The following CSMD1 variants were observed in gnomAD, a reference collection of about 807,000 sequenced individuals.
CSMD1 encodes the protein CUB and Sushi multiple domains 1.
CSMD1 carries 213 observed loss-of-function variants against 417.5 expected under a neutral mutation model. The observed-to-expected ratio is 0.51, with a 90% confidence interval of 0.46 to 0.57. CSMD1 has a LOEUF of 0.57. Among genes scored for constraint, CSMD1 ranks in the 20% least tolerant of loss-of-function variants. The pLI, the probability that CSMD1 is intolerant of heterozygous loss-of-function variation, is 0.00. For missense variants in CSMD1, 6,923 were observed against 4,529.7 expected (o/e 1.53, Z -15.17); for synonymous variants, 2,862 against 1,736.8 (o/e 1.65, Z -16.11).
chr8:4,884,571 G>A (rs772296842), intron 1 of CSMD1, among the ~76,000 whole-genome samples: 29 of 151,858 alleles, frequency 1.9e-4, no homozygotes, highest in Admixed American at 8.5e-4. Flanking sequence ...ATTGGGCTTC[G>A]ACTTCATCAC....
intron 1 of CSMD1, among the ~76,000 whole-genome samples, chr8:4,704,036 G>C (rs1807755625): frequency 6.6e-6 from 1 of 152,192 alleles, no homozygotes; most frequent in Admixed American, 6.5e-5. Context: ...GCGGATCTCA[G>C]GCAGTAATGC....
At chr8:4,282,354 C>A (rs908459366) in intron 3 of CSMD1, among the ~76,000 whole-genome samples, 2 of 152,166 alleles carry the variant, frequency 1.3e-5, no homozygotes, top group African/African-American at 4.8e-5. Context: ...CTTCTGGCCA[C>A]TGGACAAGAG....
At chr8:4,077,444 C>T (rs1255657635) in intron 3 of CSMD1, among the ~76,000 whole-genome samples, 1 of 151,348 alleles carries the variant, frequency 6.6e-6, no homozygotes, top group African/African-American at 2.4e-5. Flanking sequence ...ATTTGAGTAT[C>T]CTATACATAT....
At chr8:3,323,825 C>T (rs574591995) in intron 23 of CSMD1, among the ~76,000 whole-genome samples, 19 of 151,326 alleles carry the variant, frequency 1.3e-4, no homozygotes, top group Admixed American at 1.3e-4. Flanking sequence ...TCCTTCACCC[C>T]ACCATTCATC....
rs983433520 is a variant in CSMD1, at chr8:3,485,161, G to C, written c.1448+8462C>G. The stretch of plus-strand genomic sequence containing the variant: ...ATAGTCAAATACTAGAAGCAATCCA[G>C]GTGTCCATCTGTGGGTGAATATAAA... On this transcript the variant is annotated intron_variant, in intron 11 of 69. Transcript: ENST00000635120. Among the ~76,000 whole-genome samples, 10 of 152,094 alleles carry C rather than the reference G, an allele frequency of 6.6e-5. No individual in the cohort carries two copies. In the East Asian group the frequency reaches 1.5e-3, roughly 23 times the overall value.
chr8:4,570,572 C>T lies in CSMD1; in HGVS notation c.302+66770G>A, dbSNP rs1027090174. Among the ~76,000 whole-genome samples the T allele has an allele frequency of 7.9e-5, 12 of 152,204 alleles. 1 individual carries two copies. The highest frequency in any genetic ancestry group is 4.1e-4 in the South Asian group (2 of 4,822). On this transcript the variant is annotated intron_variant, in intron 2 of 69. Coordinates refer to ENST00000635120, the MANE Select transcript of CSMD1 (RefSeq NM_033225.6). ...TGAGGATTTTCACATCGATGTTCAT[C>T]GGGCATATTAGGCCTATAGGCCTGA...
chr8:4,437,182 TTTG>T (rs1490603986), intron 2 of CSMD1, among the ~76,000 whole-genome samples: 1 of 152,180 alleles, frequency 6.6e-6, no homozygotes. Flanking sequence ...AAAGCAAAAC[TTTG>T]TTGTCTCAAC....
At chr8:3,136,686 G>C (rs1031925487) in intron 41 of CSMD1, among the ~76,000 whole-genome samples, 9 of 152,148 alleles carry the variant, frequency 5.9e-5, no homozygotes, top group African/African-American at 2.2e-4. Context: ...AGAGCTGTTT[G>C]CACACATGGG....
Position 4,298,763 on chromosome 8 carries a change from G to C in CSMD1, c.415+121190C>G, listed in dbSNP as rs192811825. Among the ~76,000 whole-genome samples the C allele has an allele frequency of 5.1e-4, 78 of 152,020 alleles. No individual in the cohort carries two copies. In the Middle Eastern group the frequency reaches 0.018, roughly 35 times the overall value. ...AGAAATTAATGTTAAAGTGATATTT[G>C]TGCTTTTGAATAAATTTATTTTGAA... On this transcript the variant is annotated intron_variant, in intron 3 of 69. Coordinates refer to ENST00000635120, the MANE Select transcript of CSMD1 (RefSeq NM_033225.6).
At chr8:4,802,861 G>A (rs989850192) in intron 1 of CSMD1, among the ~76,000 whole-genome samples, 2 of 152,190 alleles carry the variant, frequency 1.3e-5, no homozygotes, top group Non-Finnish European at 2.9e-5. Context: ...TGTCCTTAGA[G>A]ATGCAAATAT....
intron 5 of CSMD1, among the ~76,000 whole-genome samples, chr8:3,904,639 C>CTTTT (rs11395103): frequency 3.8e-5 from 5 of 133,130 alleles, no homozygotes; most frequent in African/African-American, 1.4e-4. Context: ...CGTTTTCTTT[C>CTTTT]TTTTTTTTTT....
chr8:3,597,270 A>G (rs1198155454), intron 8 of CSMD1, among the ~76,000 whole-genome samples: 1 of 152,150 alleles, frequency 6.6e-6, no homozygotes, highest in African/African-American at 2.4e-5. Flanking sequence ...CCGGTGAGAC[A>G]GAGCATCTCC....
chr8:2,981,029 G>C (rs1385671581), intron 54 of CSMD1, among the ~76,000 whole-genome samples: 1 of 152,196 alleles, frequency 6.6e-6, no homozygotes, highest in African/African-American at 2.4e-5. Context: ...ACATAGAGTT[G>C]CAGTCAGAAG....
intron 5 of CSMD1, among the ~76,000 whole-genome samples, chr8:3,917,811 A>G (rs889101770): frequency 1.4e-4 from 21 of 152,114 alleles, no homozygotes; most frequent in African/African-American, 4.8e-4. Flanking sequence ...CATTAGCAAT[A>G]TTAGTTGTGT....
intron 1 of CSMD1, among the ~76,000 whole-genome samples, chr8:4,963,841 C>G (rs1809676360): frequency 6.6e-6 from 1 of 151,966 alleles, no homozygotes; most frequent in Non-Finnish European, 1.5e-5. Context: ...GAGTAGTCAC[C>G]CAATCATACT....
At chr8:3,784,939 A>C (rs1316174640) in intron 5 of CSMD1, among the ~76,000 whole-genome samples, 1 of 152,186 alleles carries the variant, frequency 6.6e-6, no homozygotes, top group Admixed American at 6.5e-5. Flanking sequence ...TGTTGAGCTA[A>C]AATATACTGC....
At chr8:4,792,692 A>G (rs549304937) in intron 1 of CSMD1, among the ~76,000 whole-genome samples, 6 of 152,310 alleles carry the variant, frequency 3.9e-5, no homozygotes, top group South Asian at 4.1e-4. Context: ...GTCCAGAACC[A>G]AAAGGAACAA....
At chr8:3,737,990 A>C (rs1028396844) in intron 6 of CSMD1, among the ~76,000 whole-genome samples, 4 of 152,224 alleles carry the variant, frequency 2.6e-5, no homozygotes, top group African/African-American at 7.2e-5. Context: ...TTGCAGAAGA[A>C]TGCAGTGACA....
chr8:4,467,908 G>A (rs779055438), intron 2 of CSMD1, among the ~76,000 whole-genome samples: 1 of 152,134 alleles, frequency 6.6e-6, no homozygotes, highest in Non-Finnish European at 1.5e-5. Context: ...ACTGGTTTTT[G>A]GGATCCAAAC....
Sources: allele counts gnomAD v4.1 joint callset (sites outside exome capture counted in the v4.1 genomes callset), GRCh38; gene constraint gnomAD v4.1.1; transcripts MANE v1.5; gene names NCBI Gene and HGNC (gene_info 2026-07-23, HGNC 2026-07-21).